ABI2: variants seen among roughly 807,000 people sequenced by gnomAD.
ABI2 encodes the protein abelson interactor 2.
ABI2 carries 25 observed loss-of-function variants against 59.2 expected under a neutral mutation model. The observed-to-expected ratio is 0.42, with a 90% CI of 0.31 to 0.59. ABI2 has a LOEUF of 0.59. Ranked by LOEUF, ABI2 falls within the 20% of genes least tolerant of loss-of-function variation. The pLI, the probability that ABI2 is intolerant of heterozygous loss-of-function variation, is 0.14. For synonymous variants in ABI2, 213 were observed against 235.5 expected (o/e 0.90, Z 0.87); for missense variants, 545 against 681.8 (o/e 0.80, Z 2.23).
intron 6 of ABI2, among the ~76,000 whole-genome samples, 171 bp from the exon 7 acceptor site, chr2:203,395,485 A>ACACACACAC (rs1553589685): frequency 6.8e-6 from 1 of 146,098 alleles, no homozygotes; most frequent in Admixed American, 6.9e-5. Flanking sequence ...ACACACACAC[A>ACACACACAC]TTTTTTTTTA....
At chr2:203,393,696 T>C (rs2096862704) in intron 5 of ABI2, among the ~76,000 whole-genome samples, 1 of 152,198 alleles carries the variant, frequency 6.6e-6, no homozygotes, top group African/African-American at 2.4e-5. Flanking sequence ...CTGGGATCCA[T>C]ACATAAGTCA....
intron 1 of ABI2, chr2:203,328,840 A>C (rs1394483537): frequency 2.7e-6 from 1 of 366,740 alleles, no homozygotes; most frequent in Admixed American, 4.7e-5. Context: ...AAAGCGGTGA[A>C]GCAGTTCTCG....
At chr2:203,418,259 T>C (rs1466013903) in intron 11 of ABI2, among the ~76,000 whole-genome samples, 1 of 152,248 alleles carries the variant, frequency 6.6e-6, no homozygotes, top group Non-Finnish European at 1.5e-5. Flanking sequence ...TAGTTGTGTA[T>C]TGCTACCTAA....
intron 9 of ABI2, among the ~76,000 whole-genome samples, chr2:203,405,783 G>C (rs558375249): frequency 1.4e-4 from 21 of 152,122 alleles, no homozygotes; most frequent in African/African-American, 4.8e-4. Flanking sequence ...TCTTTGGAAG[G>C]TTTCATGTGA....
At chr2:203,425,530 T>A (rs2098403399) in intron 11 of ABI2, among the ~76,000 whole-genome samples, 2 of 152,198 alleles carry the variant, frequency 1.3e-5, no homozygotes, top group Non-Finnish European at 2.9e-5. Flanking sequence ...GCATCAGGAA[T>A]GTTGTCTTTC....
chr2:203,394,949 C>G, intron 6 of ABI2, 103 bp downstream of exon 6: 1 of 1,306,160 alleles, frequency 7.7e-7, no homozygotes, highest in Non-Finnish European at 1.1e-6. Flanking sequence ...AGTTCTTTTC[C>G]TCACTCTATT....
intron 1 of ABI2, among the ~76,000 whole-genome samples, chr2:203,353,545 T>G (rs1279633738): frequency 1.3e-5 from 2 of 152,176 alleles, no homozygotes; most frequent in African/African-American, 4.8e-5. Flanking sequence ...AGTGGCATGG[T>G]CTTCTCTCAC....
chr2:203,391,152 A>G lies in ABI2; in HGVS notation c.578+9A>G, dbSNP rs946823262. ...GGGAAAGGGACACTTGGGTGAGTATATAAGTAGTAATTGAAAACCATTTCA... is the reference window on the plus strand; with the variant it reads ...GGGAAAGGGACACTTGGGTGAGTATGTAAGTAGTAATTGAAAACCATTTCA... On this transcript the variant is annotated intron_variant, in intron 5 of 11. Transcript: ENST00000261018. 2 of 1,565,266 alleles carry G rather than the reference A, an allele frequency of 1.3e-6. No individual in the cohort carries two copies. The highest frequency in any genetic ancestry group is 1.2e-5 in the South Asian group (1 of 85,192).
intron 4 of ABI2, among the ~76,000 whole-genome samples, chr2:203,383,884 A>G (rs1489077294): frequency 4.6e-5 from 7 of 151,942 alleles, no homozygotes; most frequent in East Asian, 1.9e-4. Flanking sequence ...CTTTCTCAGC[A>G]CTTTTTGAGC....
intron 11 of ABI2, among the ~76,000 whole-genome samples, chr2:203,421,444 C>T (rs1364291718): frequency 6.6e-6 from 1 of 152,142 alleles, no homozygotes; most frequent in African/African-American, 2.4e-5. Context: ...GAATAAGAGC[C>T]ACCTGATTTG....
At chr2:203,406,750 G>A (rs1372289748) in intron 9 of ABI2, among the ~76,000 whole-genome samples, 1 of 152,074 alleles carries the variant, frequency 6.6e-6, no homozygotes, top group Non-Finnish European at 1.5e-5. Flanking sequence ...TGCAACCTCT[G>A]CCTCCTGGGT....
At chr2:203,353,273 ATTAAAATTACAT>A (rs1344552378) in intron 1 of ABI2, among the ~76,000 whole-genome samples, 7 of 152,230 alleles carry the variant, frequency 4.6e-5, no homozygotes, top group African/African-American at 1.2e-4. Context: ...TTAAACTTGA[ATTAAAATTACAT>A]TTAAAATTAC....
intron 1 of ABI2, among the ~76,000 whole-genome samples, chr2:203,365,622 C>CTTTTTTTTTT (rs71007507): frequency 1.6e-5 from 1 of 63,908 alleles, no homozygotes; most frequent in African/African-American, 6.0e-5. Context: ...GGGCTGTTAT[C>CTTTTTTTTTT]TTTTTTTTTT....
intron 4 of ABI2, among the ~76,000 whole-genome samples, chr2:203,382,879 A>G (rs2096228469): frequency 6.6e-6 from 1 of 152,188 alleles, no homozygotes; most frequent in African/African-American, 2.4e-5. Flanking sequence ...TATGCAAAAC[A>G]TCAAAAGCTC....
intron 11 of ABI2, among the ~76,000 whole-genome samples, chr2:203,423,113 T>G (rs2098284748): frequency 6.6e-6 from 1 of 152,218 alleles, no homozygotes; most frequent in Non-Finnish European, 1.5e-5. Flanking sequence ...GGTCAGTCTT[T>G]TTAGTTCAGA....
intron 2 of ABI2, among the ~76,000 whole-genome samples, chr2:203,371,311 G>C (rs1041391464): frequency 6.6e-6 from 1 of 152,264 alleles, no homozygotes; most frequent in East Asian, 1.9e-4. Flanking sequence ...TCCATTGACT[G>C]TACTCTGTAT....
intron 1 of ABI2, among the ~76,000 whole-genome samples, chr2:203,329,947 G>C (rs757346656): frequency 5.3e-5 from 8 of 152,058 alleles, no homozygotes; most frequent in Non-Finnish European, 1.0e-4. Flanking sequence ...ATGTTGACCA[G>C]ACTGGTCTCG....
At chr2:203,358,097 GTGTGTGTGTGTGTGTGTT>G (rs960799892) in intron 1 of ABI2, among the ~76,000 whole-genome samples, 3 of 145,860 alleles carry the variant, frequency 2.1e-5, no homozygotes, top group Admixed American at 7.0e-5. Context: ...GTGTGTGTGT[GTGTGTGTGTGTGTGTGTT>G]TGTTTGTTTG....
intron 4 of ABI2, among the ~76,000 whole-genome samples, chr2:203,389,814 C>G (rs1175647483): frequency 2.0e-5 from 3 of 152,180 alleles, no homozygotes; most frequent in Non-Finnish European, 2.9e-5. Context: ...TTTTTCTTAG[C>G]TTTTTGAGAT....
Sources: gnomAD v4.1 joint callset for allele counts (sites outside exome capture counted in the v4.1 genomes callset) on GRCh38, gnomAD v4.1.1 for gene constraint, MANE v1.5 for transcripts, NCBI Gene and HGNC (gene_info 2026-07-23, HGNC 2026-07-21) for gene names.